Variants in CRIM1 observed in about 807,000 individuals in gnomAD.
CRIM1 encodes cysteine-rich motor neuron 1 protein.
Under a neutral mutation model 116.4 loss-of-function variants are expected in CRIM1, and 32 were observed. That is an observed-to-expected ratio of 0.27 (90% CI 0.21 to 0.37). CRIM1 has a LOEUF of 0.37. Among genes scored for constraint, CRIM1 ranks in the 10% least tolerant of loss-of-function variants. CRIM1 has a pLI of 1.00. For missense variants in CRIM1, 1,331 were observed against 1,354.8 expected, an observed-to-expected ratio of 0.98 and a Z score of 0.28; for synonymous variants, 590 against 509.2, an observed-to-expected ratio of 1.16 and a Z score of -2.13.
chr2:36,471,532 G>A (rs1451669700), intron 5 of CRIM1, among the ~76,000 whole-genome samples: 8 of 152,130 alleles, frequency 5.3e-5, no homozygotes, highest in East Asian at 3.8e-4. Context: ...TCAGATGATC[G>A]TTAGCAGTTT....
chr2:36,358,309 A>C (rs999204067), intron 1 of CRIM1, among the ~76,000 whole-genome samples: 4 of 152,334 alleles, frequency 2.6e-5, no homozygotes, highest in Admixed American at 2.6e-4. Flanking sequence ...TGCATCTTTG[A>C]ACCCTGCCGC....
chr2:36,550,030 T>TGA lies in CRIM1; in HGVS notation c.*1333_*1334dup, dbSNP rs905341171. On this transcript the variant is annotated 3_prime_UTR_variant, in exon 17 of 17. Coordinates refer to ENST00000280527, the MANE Select transcript of CRIM1 (RefSeq NM_016441.3). ...CAGTTTAATTGGAAAGATGTGTGTG[T>TGA]GAGAGTATGTATGTGTGTGTGTGTG... 6.7e-6 allele frequency: 1 copy of TGA among 149,816 alleles called. No individual in the cohort carries two copies. The highest frequency in any genetic ancestry group is 2.0e-4 in the East Asian group (1 of 5,118). The allele number at this position is 149,816 out of a possible 1,614,324, so 9.3% of individuals were successfully genotyped here.
chr2:36,364,549 G>A (rs1044017123), intron 1 of CRIM1, among the ~76,000 whole-genome samples: 1 of 152,164 alleles, frequency 6.6e-6, no homozygotes, highest in Non-Finnish European at 1.5e-5. Flanking sequence ...AGTGGAGGAT[G>A]CAGCAACAAG....
chr2:36,432,582 C>A (rs1280913084), intron 2 of CRIM1, among the ~76,000 whole-genome samples: 1 of 152,152 alleles, frequency 6.6e-6, no homozygotes, highest in African/African-American at 2.4e-5. Flanking sequence ...CCATAAAAGG[C>A]AAATCCTGGA....
intron 2 of CRIM1, among the ~76,000 whole-genome samples, chr2:36,414,489 T>A (rs2124823387): frequency 6.6e-6 from 1 of 152,272 alleles, no homozygotes; most frequent in South Asian, 2.1e-4. Flanking sequence ...ACAAGACAGA[T>A]AAGGTTCTAG....
chr2:36,373,722 A>G (rs2148313176), intron 1 of CRIM1, among the ~76,000 whole-genome samples: 1 of 152,286 alleles, frequency 6.6e-6, no homozygotes, highest in Non-Finnish European at 1.5e-5. Flanking sequence ...CAGTGAGAAA[A>G]TGTCATTACA....
chr2:36,530,083 T>G (rs1426592824), intron 13 of CRIM1, among the ~76,000 whole-genome samples: 1 of 152,200 alleles, frequency 6.6e-6, no homozygotes, highest in East Asian at 1.9e-4. Context: ...ACCCAAAGAT[T>G]TAATTAAATC....
intron 8 of CRIM1, 167 bp downstream of exon 8, chr2:36,499,514 G>A (rs1680840236): frequency 4.8e-6 from 3 of 620,288 alleles, no homozygotes; most frequent in Non-Finnish European, 8.1e-6. Context: ...TAGTCATTTG[G>A]GAGAAAGGAG....
At chr2:36,466,212 A>G (rs1394538000) in intron 5 of CRIM1, among the ~76,000 whole-genome samples, 2 of 152,162 alleles carry the variant, frequency 1.3e-5, no homozygotes, top group East Asian at 1.9e-4. Context: ...CACACTTTCT[A>G]TTCACATCCA....
chr2:36,487,603 T>G (rs1016653782), intron 7 of CRIM1, among the ~76,000 whole-genome samples: 1 of 151,638 alleles, frequency 6.6e-6, no homozygotes, highest in Non-Finnish European at 1.5e-5. Context: ...TAAAACTGTT[T>G]AGAGGAAGCA....
chr2:36,503,522 G>T (rs1358135960), intron 8 of CRIM1, among the ~76,000 whole-genome samples: 1 of 152,052 alleles, frequency 6.6e-6, no homozygotes, highest in African/African-American at 2.4e-5. Flanking sequence ...AACATGGAAA[G>T]CCCCCAGCGT....
chr2:36,533,211 G>C (rs1259966739), intron 13 of CRIM1, among the ~76,000 whole-genome samples: 1 of 152,024 alleles, frequency 6.6e-6, no homozygotes, highest in Non-Finnish European at 1.5e-5. Flanking sequence ...TTTAAACCTG[G>C]TAGCTTCCAA....
chr2:36,377,430 C>T (rs967214986), intron 1 of CRIM1, among the ~76,000 whole-genome samples: 5 of 152,132 alleles, frequency 3.3e-5, no homozygotes, highest in Admixed American at 6.5e-5. Flanking sequence ...GAAACAAAAT[C>T]GTGCACTAGT....
At chr2:36,546,763 ATTTT>A (rs775086985) in intron 15 of CRIM1, among the ~76,000 whole-genome samples, 23,219 of 101,056 alleles carry the variant, frequency 0.23, 2,462 homozygotes, top group South Asian at 0.38. Flanking sequence ...TCTCACTCTG[ATTTT>A]TTTTTTTTTT....
At chr2:36,413,817 TGTAAA>T (rs1558557280) in intron 2 of CRIM1, among the ~76,000 whole-genome samples, 2 of 152,216 alleles carry the variant, frequency 1.3e-5, no homozygotes, top group African/African-American at 4.8e-5. Context: ...TACATACACT[TGTAAA>T]GTGTATGTAT....
chr2:36,456,986 C>T (rs991155374), intron 4 of CRIM1, among the ~76,000 whole-genome samples: 1 of 152,154 alleles, frequency 6.6e-6, no homozygotes, highest in African/African-American at 2.4e-5. Flanking sequence ...TGTTCTCCTG[C>T]AGCTTATACC....
chr2:36,481,370 T>G (rs1679403466), intron 7 of CRIM1, among the ~76,000 whole-genome samples: 1 of 152,218 alleles, frequency 6.6e-6, no homozygotes, highest in Non-Finnish European at 1.5e-5. Context: ...TCACTTAGAA[T>G]TTGGTCTCTG....
intron 1 of CRIM1, among the ~76,000 whole-genome samples, chr2:36,370,311 G>C (rs1047851185): frequency 6.6e-6 from 1 of 151,976 alleles, no homozygotes; most frequent in African/African-American, 2.4e-5. Flanking sequence ...GTGAGAAATG[G>C]AAGACCTCTG....
chr2:36,540,960 T>A (rs1157192537), intron 14 of CRIM1, among the ~76,000 whole-genome samples: 1 of 152,210 alleles, frequency 6.6e-6, no homozygotes, highest in Non-Finnish European at 1.5e-5. Context: ...TCAGTTAAGA[T>A]TTACTATTGG....
Sources: gnomAD v4.1 joint callset for allele counts (sites outside exome capture counted in the v4.1 genomes callset) on GRCh38, gnomAD v4.1.1 for gene constraint, MANE v1.5 for transcripts, NCBI Gene and HGNC (gene_info 2026-07-23, HGNC 2026-07-21) for gene names.